REPS1: variants seen among roughly 807,000 people sequenced by gnomAD.
REPS1 encodes the protein RALBP1 associated Eps domain containing 1.
In REPS1, 39 loss-of-function variants were observed where a neutral mutation model predicts 100.9. That is an observed-to-expected ratio of 0.39 (90% CI 0.30 to 0.50). REPS1 has a LOEUF of 0.50. Among genes scored for constraint, REPS1 ranks in the 20% least tolerant of loss-of-function variants. The pLI is 0.86. For synonymous variants in REPS1, 324 were observed against 340.3 expected, an observed-to-expected ratio of 0.95 and a Z score of 0.53; for missense variants, 821 against 968.5, an observed-to-expected ratio of 0.85 and a Z score of 2.02.
chr6:138,907,400 A>AT, intron 19 of REPS1, 95 bp downstream of exon 19: 1 of 808,382 alleles, frequency 1.2e-6, no homozygotes, highest in Non-Finnish European at 2.0e-6. Context: ...AGAGAACCAT[A>AT]TATGTGATCT....
intron 1 of REPS1, among the ~76,000 whole-genome samples, chr6:138,974,309 TA>T (rs2128505241): frequency 6.6e-6 from 1 of 152,148 alleles, no homozygotes; most frequent in East Asian, 1.9e-4. Context: ...TTCCTATTAA[TA>T]AAAAATAATG....
rs760803460 is a variant in REPS1 at position 138,944,019 on chromosome 6, T to C, written c.754-4A>G. 1 of 1,613,574 alleles carries C rather than the reference T, an allele frequency of 6.2e-7. No homozygotes were observed. The highest frequency in any genetic ancestry group is 1.1e-5 in the South Asian group (1 of 91,072). On this transcript the variant is annotated splice_polypyrimidine_tract_variant and splice_region_variant and intron_variant, in intron 5 of 19. Transcript: ENST00000450536. ...CAGTTCGTACTGTTGTCTGGTCCTG[T>C]AATGAAACATTTTTTCCTCAGTACA...
At chr6:138,978,112 A>G (rs1424051584) in intron 1 of REPS1, among the ~76,000 whole-genome samples, 1 of 142,976 alleles carries the variant, frequency 7.0e-6, no homozygotes, top group Non-Finnish European at 1.5e-5. Context: ...TTTTTTCCTT[A>G]TAAGTGAGTT....
At chr6:138,963,131 C>CTAAA (rs71723969) in intron 1 of REPS1, among the ~76,000 whole-genome samples, 6 of 147,516 alleles carry the variant, frequency 4.1e-5, no homozygotes, top group Non-Finnish European at 8.9e-5. Flanking sequence ...AACTAACTAA[C>CTAAA]TAAATAAATA....
chr6:138,942,849 G>C (rs1414087907), intron 7 of REPS1, among the ~76,000 whole-genome samples: 2 of 152,132 alleles, frequency 1.3e-5, no homozygotes, highest in Non-Finnish European at 2.9e-5. Context: ...CCACCTCCCA[G>C]GTTCAAGCGA....
chr6:138,971,542 A>G (rs555431608), intron 1 of REPS1, among the ~76,000 whole-genome samples: 1 of 152,312 alleles, frequency 6.6e-6, no homozygotes, highest in African/African-American at 2.4e-5. Context: ...TTAGTTGCCA[A>G]TAAATTATCA....
At position 138,943,894 on chromosome 6, in the gene REPS1, T is replaced by C. The variant is rs1339029708; in HGVS notation, c.875A>G (p.Gln292Arg). The C allele has an allele frequency of 1.2e-6, 2 of 1,613,716 alleles. No individual in the cohort carries two copies. Among genetic ancestry groups the C allele is most frequent in the Admixed American group, 3.3e-5 (2 of 60,010 alleles). Residue 292 changes from glutamine to arginine, a missense_variant, in exon 6 of 20, where the codon CAG becomes CGG. Physicochemically the swap from Gln to Arg is conservative, Grantham distance 43. Transcript: ENST00000450536. ...TDEQRQYYVN[Q>R]FKTIQPDLNG... Reference sequence around the variant, plus strand: ...TAGATCAGGCTGAATGGTTTTAAACTGATTTACATAATACTGTCTTTGTTC... The same window carrying C: ...TAGATCAGGCTGAATGGTTTTAAACCGATTTACATAATACTGTCTTTGTTC...
At chr6:138,984,949 G>C (rs1338716224) in intron 1 of REPS1, among the ~76,000 whole-genome samples, 1 of 152,148 alleles carries the variant, frequency 6.6e-6, no homozygotes, top group Non-Finnish European at 1.5e-5. Context: ...CACCCTGGTT[G>C]GATGTCCATG....
intron 12 of REPS1, 98 bp from the exon 13 acceptor site, chr6:138,917,725 G>T: frequency 1.1e-6 from 1 of 950,842 alleles, no homozygotes; most frequent in Non-Finnish European, 1.6e-6. Flanking sequence ...TTTCAAGCCA[G>T]AGATAGTCAA....
chr6:138,979,716 C>T (rs1160973547), intron 1 of REPS1, among the ~76,000 whole-genome samples: 2 of 152,160 alleles, frequency 1.3e-5, no homozygotes, highest in African/African-American at 4.8e-5. Context: ...CAATTTGTAC[C>T]ACTCTGATTG....
At chr6:138,928,857 C>T (rs1337393067) in intron 9 of REPS1, 3 of 152,082 alleles carry the variant, frequency 2.0e-5, no homozygotes, top group African/African-American at 7.2e-5. Flanking sequence ...AGGTGTAATC[C>T]CTTCATCTAG....
chr6:138,967,828 G>A (rs188150760), intron 1 of REPS1, among the ~76,000 whole-genome samples: 4 of 152,234 alleles, frequency 2.6e-5, no homozygotes, highest in East Asian at 1.9e-4. Context: ...AGTACCAGGC[G>A]CTGTTCCTGG....
At chr6:138,969,645 G>C (rs576385488) in intron 1 of REPS1, among the ~76,000 whole-genome samples, 3 of 151,878 alleles carry the variant, frequency 2.0e-5, no homozygotes, top group African/African-American at 4.8e-5. Context: ...CTTTGCCATC[G>C]CATGAAACTG....
At chr6:138,959,973 C>T (rs1241898052) in intron 1 of REPS1, among the ~76,000 whole-genome samples, 2 of 151,046 alleles carry the variant, frequency 1.3e-5, no homozygotes, top group African/African-American at 4.9e-5. Flanking sequence ...CACATGCCTC[C>T]AAGACATAGC....
intron 15 of REPS1, 125 bp downstream of exon 15, chr6:138,914,572 T>C: frequency 1.3e-6 from 1 of 751,188 alleles, no homozygotes; most frequent in East Asian, 2.6e-5. Flanking sequence ...CTCACTGAAT[T>C]AAATGCTCAT....
rs1457435953 is a variant in REPS1 at position 138,916,528 on chromosome 6, A to C, written c.1602-552T>G. On this transcript the variant is annotated intron_variant, in intron 13 of 19. Transcript: ENST00000450536. ...GCTCGGCCTCAAAAATTTTGAAAAGAAACTTAGTTGTCAACATGATTTCAT... is the reference window on the plus strand; with the variant it reads ...GCTCGGCCTCAAAAATTTTGAAAAGCAACTTAGTTGTCAACATGATTTCAT... 2.6e-5 allele frequency among the ~76,000 whole-genome samples: 4 copies of C among 152,286 alleles called. No homozygotes were observed. In the South Asian group the frequency reaches 8.3e-4, roughly 32 times the overall value.
chr6:138,955,456 A>AGTGTGTGTGTGTGTGTG (rs1562552291), intron 1 of REPS1, among the ~76,000 whole-genome samples: 2 of 46,858 alleles, frequency 4.3e-5, no homozygotes, highest in Admixed American at 1.7e-4. Flanking sequence ...AAAAAAAAAA[A>AGTGTGTGTGTGTGTGTG]AGTGTGTGTG....
rs748571513 is a variant in REPS1 at position 138,930,059 on chromosome 6, G to C, written c.1175C>G (p.Ser392Cys). Residue 392 changes from serine (S) to cysteine (C), a missense_variant, in exon 9 of 20, where the codon TCT (serine) becomes TGT (cysteine). Around this residue, in one of 3 missense-constraint regions of REPS1, gnomAD observed 757 missense variants for 866.4 expected, o/e 0.87. Transcript: ENST00000450536. ...DQPGEVGYSG[S>C]PAEAPPSKSP... ...CTTGCTTGGAGGAGCTTCAGCAGGA[G>C]AGCCTGAATAACCTACCTCACCTGG... 2 of 1,613,472 alleles carry C rather than the reference G, an allele frequency of 1.2e-6. No homozygotes were observed. Among genetic ancestry groups the C allele is most frequent in the South Asian group, 1.1e-5 (1 of 91,046 alleles).
chr6:138,925,892 A>T (rs1781085623), intron 10 of REPS1, among the ~76,000 whole-genome samples: 1 of 152,332 alleles, frequency 6.6e-6, no homozygotes, highest in Admixed American at 6.5e-5. Flanking sequence ...CCTTTGCATA[A>T]GCGGAATATT....
Sources: allele counts gnomAD v4.1 joint callset (sites outside exome capture counted in the v4.1 genomes callset), GRCh38; gene constraint gnomAD v4.1.1; regional missense constraint gnomAD v4.1.1; transcripts MANE v1.5; gene names NCBI Gene and HGNC (gene_info 2026-07-23, HGNC 2026-07-21).